NEK3: variants seen among roughly 807,000 people sequenced by gnomAD.
NEK3 encodes the protein serine/threonine-protein kinase Nek3.
A neutral mutation model predicts 66.0 loss-of-function variants in NEK3; 54 were observed. The observed-to-expected ratio is 0.82, with a 90% CI of 0.66 to 1.03. The LOEUF (loss-of-function observed/expected upper bound fraction) is 1.03. Among genes scored for constraint, NEK3 ranks in the 50% least tolerant of loss-of-function variants. NEK3 has a pLI of 0.00. For synonymous variants in NEK3, 200 were observed against 206.2 expected, an observed-to-expected ratio of 0.97 and a Z score of 0.26; for missense variants, 593 against 603.0, an observed-to-expected ratio of 0.98 and a Z score of 0.17.
rs185774213 is a variant in NEK3 at position 52,141,258 on chromosome 13, A to C, written c.878-189T>G. The stretch of plus-strand genomic sequence containing the variant: ...CTAATAATACATCTCAGTTATTGAA[A>C]GAGGCTATTTCCACTGTTTCATTCC... On this transcript the variant is annotated intron_variant, in intron 10 of 15. Coordinates refer to ENST00000610828, the MANE Select transcript of NEK3 (RefSeq NM_002498.3). Among the ~76,000 whole-genome samples, 143 of 152,346 alleles carry C rather than the reference A, an allele frequency of 9.4e-4. 2 individuals are homozygous for C. In the East Asian group the frequency reaches 0.027, roughly 28 times the overall value.
At chr13:52,139,289 G>A (rs1021283562) in intron 11 of NEK3, among the ~76,000 whole-genome samples, 7 of 152,170 alleles carry the variant, frequency 4.6e-5, no homozygotes, top group African/African-American at 1.7e-4. Flanking sequence ...AGTGAAAGAG[G>A]CCAGACATAA....
Position 52,144,691 on chromosome 13 carries a change from C to T in NEK3, c.804G>A (p.Glu268=), listed in dbSNP as rs1343949858. Reference sequence around the variant, plus strand: ...ACAACCAATCCAACACAGATCATACCTCGGGGGGTAAGCACTTCTGGACAA... The same window carrying T: ...ACAACCAATCCAACACAGATCATACTTCGGGGGGTAAGCACTTCTGGACAA... The part of the protein sequence containing the change: ...ARLVQKCLPP[E]IIMEYGEEVL... Residue 268 remains glutamate, a splice_region_variant and synonymous_variant, in exon 9 of 16, where the codon GAG becomes GAA. Coordinates refer to ENST00000610828, the MANE Select transcript of NEK3 (RefSeq NM_002498.3). 2 of 1,613,432 alleles carry T rather than the reference C, an allele frequency of 1.2e-6. No individual in the cohort carries two copies. Among genetic ancestry groups the T allele is most frequent in the East Asian group, 4.5e-5 (2 of 44,860 alleles).
chr13:52,149,267 C>A (rs1594028043), intron 7 of NEK3, among the ~76,000 whole-genome samples: 2 of 151,532 alleles, frequency 1.3e-5, no homozygotes, highest in Non-Finnish European at 2.9e-5. Flanking sequence ...TGGCTATTCA[C>A]AGGCATGATG....
In NEK3 at chr13:52,136,226, G is replaced by A; in HGVS notation, c.1064C>T (p.Ser355Leu). 1.2e-6 allele frequency: 2 copies of A among 1,613,746 alleles called. No individual in the cohort carries two copies. The highest frequency in any genetic ancestry group is 1.7e-6 in the Non-Finnish European group (2 of 1,179,734). ...NKSVHLRKAS[S>L]PNLHRRQWEK... ...CCACTGTCGTCTATGAAGATTTGGT[G>A]AACTGGCTTTCCTCAGATGGACTGA... The change falls in exon 13 of 16, where the codon TCA becomes TTA. Residue 355 changes from serine (S) to leucine (L), a missense_variant. Coordinates refer to ENST00000610828, the MANE Select transcript of NEK3 (RefSeq NM_002498.3).
At chr13:52,156,484 A>C (rs1452310348) in intron 1 of NEK3, 3 of 250,514 alleles carry the variant, frequency 1.2e-5, no homozygotes, top group Non-Finnish European at 2.3e-5. Context: ...TTTCCTATGT[A>C]CAGGTAATAA....
At chr13:52,138,675 A>G (rs1193999405) in intron 11 of NEK3, among the ~76,000 whole-genome samples, 1 of 152,198 alleles carries the variant, frequency 6.6e-6, no homozygotes, top group Non-Finnish European at 1.5e-5. Flanking sequence ...ACACCTATAA[A>G]TCCCAGCACT....
intron 9 of NEK3, 71 bp from the exon 10 acceptor site, chr13:52,144,058 T>A: frequency 1.2e-6 from 1 of 813,896 alleles, no homozygotes; most frequent in Non-Finnish European, 1.9e-6. Context: ...TGATGTCATT[T>A]CATCATCAGC....
Position 52,138,134 on chromosome 13 carries a change from G to A in NEK3, c.928-1232C>T, listed in dbSNP as rs141383574. ...CTTCCCAGGCTCAGGCGATCCTCCC[G>A]CCTCAGCTTCCCAGTAGCTGGGACT... On this transcript the variant is annotated intron_variant, in intron 11 of 15. Coordinates refer to ENST00000610828, the MANE Select transcript of NEK3 (RefSeq NM_002498.3). Among the ~76,000 whole-genome samples, 497 of 152,204 alleles carry A rather than the reference G, an allele frequency of 3.3e-3. 3 individuals are homozygous for A. Among genetic ancestry groups the A allele is most frequent in the African/African-American group, 0.011 (474 of 41,524 alleles).
intron 1 of NEK3, 114 bp downstream of exon 1, chr13:52,159,429 G>A (rs1365971514): frequency 6.8e-6 from 1 of 146,308 alleles, no homozygotes; most frequent in Non-Finnish European, 1.5e-5. Flanking sequence ...GAAGTGAGGG[G>A]CGCGGCCGCG....
chr13:52,135,904 G>A, intron 13 of NEK3, 41 bp from the exon 14 acceptor site: 1 of 1,591,728 alleles, frequency 6.3e-7, no homozygotes, highest in Non-Finnish European at 8.6e-7. Context: ...AATAAAAAAA[G>A]ATTTTTCAGC....
Position 52,136,171 on chromosome 13 carries a change from T to C in NEK3, c.1119A>G (p.Thr373=). ...TGAGTATGGATGCATTTTCCAAAGC[T>C]GTAAGAGCTGTATTGGGTACATTTT... ...WEKNVPNTAL[T]ALENASILTS... The change falls in exon 13 of 16, where the codon ACA becomes ACG. Residue 373 remains threonine, a synonymous_variant. Coordinates refer to ENST00000610828, the MANE Select transcript of NEK3 (RefSeq NM_002498.3). The C allele has an allele frequency of 6.2e-7, 1 of 1,613,838 alleles. No homozygotes were observed. Among genetic ancestry groups the C allele is most frequent in the Non-Finnish European group, 8.5e-7 (1 of 1,179,742 alleles).
At chr13:52,147,491 A>T (rs1841720001) in intron 8 of NEK3, among the ~76,000 whole-genome samples, 1 of 152,236 alleles carries the variant, frequency 6.6e-6, no homozygotes, top group African/African-American at 2.4e-5. Flanking sequence ...CCTTGAAAAC[A>T]CTGTGCTAGT....
intron 4 of NEK3, 87 bp from the exon 5 acceptor site, chr13:52,152,779 T>G: frequency 2.5e-6 from 2 of 787,554 alleles, no homozygotes; most frequent in Non-Finnish European, 4.3e-6. Flanking sequence ...CTCTAGGCCT[T>G]AGTCAACCGG....
chr13:52,144,376 A>G (rs531132240), intron 9 of NEK3, among the ~76,000 whole-genome samples: 18 of 152,318 alleles, frequency 1.2e-4, no homozygotes, highest in African/African-American at 4.1e-4. Flanking sequence ...AGATCGCACC[A>G]CTGCACTCCA....
intron 2 of NEK3, among the ~76,000 whole-genome samples, chr13:52,154,423 GTAAA>G (rs1416746261): frequency 6.6e-6 from 1 of 151,952 alleles, no homozygotes; most frequent in Non-Finnish European, 1.5e-5. Context: ...CATACAGAAT[GTAAA>G]TAGTTTTAAT....
rs1956165473 is a variant in NEK3 at position 52,132,910 on chromosome 13, G to A, written c.*232C>T. 2 of 457,422 alleles carry A rather than the reference G, an allele frequency of 4.4e-6. No individual in the cohort carries two copies. The highest frequency in any genetic ancestry group is 3.5e-5 in the Admixed American group (1 of 28,804). 28.3% of individuals were successfully genotyped at this position (457,422 alleles called of 1,614,324 possible). ...TCTGTTCTATGGGACTGCAAAGCCC[G>A]ATGCTCACACTCATTCCACTATACC... is the stretch of plus-strand genomic sequence containing the variant. On this transcript the variant is annotated 3_prime_UTR_variant, in exon 16 of 16. Coordinates refer to ENST00000610828, the MANE Select transcript of NEK3 (RefSeq NM_002498.3).
chr13:52,148,343 A>T, intron 8 of NEK3, 72 bp downstream of exon 8: 1 of 1,430,002 alleles, frequency 7.0e-7, no homozygotes, highest in Non-Finnish European at 9.8e-7. Context: ...ACTGCCAACT[A>T]GAATCTGTCA....
intron 5 of NEK3, among the ~76,000 whole-genome samples, chr13:52,151,699 A>G (rs1566860304): frequency 6.6e-6 from 1 of 152,232 alleles, no homozygotes; most frequent in Non-Finnish European, 1.5e-5. Context: ...ACCGTTTTCC[A>G]TCTGAGAACA....
chr13:52,158,213 T>G (rs1412597998), intron 1 of NEK3, among the ~76,000 whole-genome samples: 1 of 152,168 alleles, frequency 6.6e-6, no homozygotes, highest in South Asian at 2.1e-4. Flanking sequence ...CAAAGAATTA[T>G]AAGGCAGAGA....
Sources: gnomAD v4.1 joint callset for allele counts (sites outside exome capture counted in the v4.1 genomes callset) on GRCh38, gnomAD v4.1.1 for gene constraint, MANE v1.5 for transcripts, NCBI Gene and HGNC (gene_info 2026-07-23, HGNC 2026-07-21) for gene names.